The following VTA1 variants were observed in gnomAD, a reference collection of about 807,000 sequenced individuals.
VTA1 encodes vesicle trafficking 1.
Under a neutral mutation model 36.9 loss-of-function variants are expected in VTA1, and 24 were observed. That is an observed-to-expected ratio of 0.65 (90% CI 0.47 to 0.91). VTA1 has a LOEUF of 0.91. Ranked by LOEUF, VTA1 falls within the 40% of genes least tolerant of loss-of-function variation. VTA1 has a pLI of 0.00. For missense variants in VTA1, 393 were observed against 377.2 expected, an observed-to-expected ratio of 1.04 and a Z score of -0.35; for synonymous variants, 142 against 130.2, an observed-to-expected ratio of 1.09 and a Z score of -0.62.
At chr6:142,213,478 C>A (rs1386536973) in intron 7 of VTA1, among the ~76,000 whole-genome samples, 6 of 152,160 alleles carry the variant, frequency 3.9e-5, no homozygotes, top group Non-Finnish European at 8.8e-5. Context: ...AGGATGGTGG[C>A]CCTCTTCTCA....
At chr6:142,211,928 G>A (rs920803224) in intron 7 of VTA1, among the ~76,000 whole-genome samples, 5 of 152,058 alleles carry the variant, frequency 3.3e-5, no homozygotes, top group African/African-American at 7.3e-5. Context: ...ATACTCCACC[G>A]CATATATCAT....
At position 142,193,379 on chromosome 6, in the gene VTA1, C is replaced by T. The variant is rs531867535; in HGVS notation, c.520+3845C>T. Among the ~76,000 whole-genome samples, 23 of 152,116 alleles carry T rather than the reference C, an allele frequency of 1.5e-4. No individual in the cohort carries two copies. The South Asian group carries it at 4.8e-3, about 32-fold the overall frequency. Reference sequence around the variant, plus strand: ...CCCATTAAAATTATTTTTCCCTTTGCTATTAATAAGTAATTTGTGGAAGAT... The same window carrying T: ...CCCATTAAAATTATTTTTCCCTTTGTTATTAATAAGTAATTTGTGGAAGAT... On this transcript the variant is annotated intron_variant, in intron 5 of 7. Coordinates refer to ENST00000367630, the MANE Select transcript of VTA1 (RefSeq NM_016485.5).
intron 4 of VTA1, among the ~76,000 whole-genome samples, chr6:142,183,672 C>T (rs1306305424): frequency 6.6e-6 from 1 of 152,144 alleles, no homozygotes; most frequent in Non-Finnish European, 1.5e-5. Flanking sequence ...AAAAATACAT[C>T]TTGAAAATTT....
chr6:142,195,845 A>C (rs755258476), intron 5 of VTA1, among the ~76,000 whole-genome samples: 1 of 151,928 alleles, frequency 6.6e-6, no homozygotes, highest in Non-Finnish European at 1.5e-5. Context: ...GTGTTTGTAG[A>C]TATCTTACTG....
Position 142,178,448 on chromosome 6 carries a change from C to T in VTA1, c.411+8027C>T, listed in dbSNP as rs539198446. Among the ~76,000 whole-genome samples, 4 of 151,898 alleles carry T rather than the reference C, an allele frequency of 2.6e-5. No individual in the cohort carries two copies. In the East Asian group the frequency reaches 7.7e-4, roughly 29 times the overall value. On this transcript the variant is annotated intron_variant, in intron 4 of 7. Transcript: ENST00000367630. ...AGGTCTGCACTAAAGATCCAAAGAA[C>T]TAAAGAACAGCTAAAATGAAGGAAG...
At position 142,161,078 on chromosome 6, in the gene VTA1, TCC is replaced by T. The variant is rs112484201; in HGVS notation, c.113-5139_113-5138del. Among the ~76,000 whole-genome samples the T allele has an allele frequency of 1.0e-3, 120 of 116,090 alleles. 5 individuals are homozygous for T. Among genetic ancestry groups the T allele is most frequent in the African/African-American group, 4.1e-3 (111 of 26,944 alleles). The allele number at this position is 116,090 out of a possible 152,430, so 76.2% of individuals were successfully genotyped here. On this transcript the variant is annotated intron_variant, in intron 1 of 7. Coordinates refer to ENST00000367630, the MANE Select transcript of VTA1 (RefSeq NM_016485.5). The stretch of plus-strand genomic sequence containing the variant: ...AGGCATTCATTCATGCTTCCTTCCT[TCC>T]CCCCCCCCCCTTTTTTTGGGTCAAA...
intron 7 of VTA1, among the ~76,000 whole-genome samples, chr6:142,210,483 G>A (rs144570379): frequency 1.6e-4 from 24 of 152,208 alleles, no homozygotes; most frequent in Non-Finnish European, 3.2e-4. Flanking sequence ...TCAACAAAGT[G>A]AAAAGACAAC....
Position 142,187,946 on chromosome 6 carries a change from C to G in VTA1, c.412-1480C>G, listed in dbSNP as rs538159126. ...TTTTTTTTTTGGCCGGGAGGAGGTC[C>G]GGAGCTGGGCTGGTGCAGTGGCGCA... is the stretch of plus-strand genomic sequence containing the variant. On this transcript the variant is annotated intron_variant, in intron 4 of 7. Transcript: ENST00000367630. Among the ~76,000 whole-genome samples, 7 of 139,446 alleles carry G rather than the reference C, an allele frequency of 5.0e-5. No individual in the cohort carries two copies. In the South Asian group the frequency reaches 1.6e-3, roughly 32 times the overall value. The allele number at this position is 139,446 out of a possible 152,430, so 91.5% of individuals were successfully genotyped here. A position where few individuals can be genotyped will look rare whatever the true frequency, so the allele number is the denominator to read the frequency against.
chr6:142,155,258 A>C (rs1040200503), intron 1 of VTA1, among the ~76,000 whole-genome samples: 3 of 152,166 alleles, frequency 2.0e-5, no homozygotes, highest in African/African-American at 7.2e-5. Flanking sequence ...AAGTTTGGAA[A>C]GCATTTTGGC....
Position 142,197,933 on chromosome 6 carries a change from C to CA in VTA1, c.521-496dup, listed in dbSNP as rs1164881786. 1.1e-3 allele frequency among the ~76,000 whole-genome samples: 149 copies of CA among 140,750 alleles called. 1 individual carries two copies. The highest frequency in any genetic ancestry group is 2.4e-3 in the African/African-American group (93 of 38,248). 92.3% of individuals were successfully genotyped at this position (140,750 alleles called of 152,430 possible). A position where few individuals can be genotyped will look rare whatever the true frequency, so the allele number is the denominator to read the frequency against. ...ACTAAAAATACAAAAAAAAAAAAACCAAAAAAAAAACAAACTAGCCGGGAG... is the reference window on the plus strand; with the variant it reads ...ACTAAAAATACAAAAAAAAAAAAACCAAAAAAAAAAACAAACTAGCCGGGAG... On this transcript the variant is annotated intron_variant, in intron 5 of 7. Transcript: ENST00000367630.
At chr6:142,150,116 G>C (rs527889241) in intron 1 of VTA1, among the ~76,000 whole-genome samples, 1 of 152,100 alleles carries the variant, frequency 6.6e-6, no homozygotes, top group Non-Finnish European at 1.5e-5. Flanking sequence ...GGCCATTTCT[G>C]ATAGTTTCTT....
At chr6:142,205,749 G>A (rs1283792508) in intron 7 of VTA1, among the ~76,000 whole-genome samples, 1 of 151,966 alleles carries the variant, frequency 6.6e-6, no homozygotes. Context: ...ATATAGAATA[G>A]GAGCTTCAGA....
At chr6:142,218,177 A>AT (rs999408619) in intron 7 of VTA1, among the ~76,000 whole-genome samples, 53 of 152,202 alleles carry the variant, frequency 3.5e-4, no homozygotes, top group African/African-American at 1.3e-3. Flanking sequence ...GTCTGTGTGT[A>AT]TTGTTCCATG....
chr6:142,214,813 C>T (rs576388165), intron 7 of VTA1, among the ~76,000 whole-genome samples: 1 of 152,220 alleles, frequency 6.6e-6, no homozygotes, highest in South Asian at 2.1e-4. Context: ...TCTGTACCTT[C>T]CTCTCAACTT....
At chr6:142,204,915 G>A (rs1440508079) in intron 7 of VTA1, among the ~76,000 whole-genome samples, 1 of 151,804 alleles carries the variant, frequency 6.6e-6, no homozygotes, top group Non-Finnish European at 1.5e-5. Flanking sequence ...AGTAGAGATG[G>A]GATTTCACCA....
chr6:142,147,264 G>A lies in VTA1; in HGVS notation c.-24G>A. ...CGGAAGTGCCGGTGGAGCGCGAGTA[G>A]GAAGTGGTGAGTTCGGAGTAGAGAT... On this transcript the variant is annotated 5_prime_UTR_variant, in exon 1 of 8. Coordinates refer to ENST00000367630, the MANE Select transcript of VTA1 (RefSeq NM_016485.5). 2 of 1,613,394 alleles carry A rather than the reference G, an allele frequency of 1.2e-6. No homozygotes were observed. The highest frequency in any genetic ancestry group is 8.5e-7 in the Non-Finnish European group (1 of 1,179,492).
At chr6:142,180,152 T>C (rs1028226248) in intron 4 of VTA1, among the ~76,000 whole-genome samples, 1 of 152,206 alleles carries the variant, frequency 6.6e-6, no homozygotes, top group African/African-American at 2.4e-5. Context: ...TGATTTTCTG[T>C]TCTAATTTTA....
chr6:142,164,681 A>G (rs760093531), intron 1 of VTA1, among the ~76,000 whole-genome samples: 26 of 152,206 alleles, frequency 1.7e-4, no homozygotes, highest in Non-Finnish European at 3.4e-4. Flanking sequence ...AGTAAATTAA[A>G]CAACGGTAGA....
intron 7 of VTA1, among the ~76,000 whole-genome samples, chr6:142,216,961 C>T (rs1414181075): frequency 2.0e-5 from 3 of 152,112 alleles, no homozygotes; most frequent in African/African-American, 7.2e-5. Context: ...CTCACCTAGA[C>T]AGCGTATGTA....
Sources: gnomAD v4.1 joint callset for allele counts (sites outside exome capture counted in the v4.1 genomes callset) on GRCh38, gnomAD v4.1.1 for gene constraint, MANE v1.5 for transcripts, NCBI Gene and HGNC (gene_info 2026-07-23, HGNC 2026-07-21) for gene names.